Variants in ARFGEF1 observed in about 807,000 individuals in gnomAD.
ARFGEF1 encodes ARF guanine nucleotide exchange factor 1, also known as brefeldin A-inhibited guanine nucleotide-exchange protein 1.
Under a neutral mutation model 231.0 loss-of-function variants are expected in ARFGEF1, and 42 were observed. That is an observed-to-expected ratio of 0.18 (90% confidence interval 0.14 to 0.24). The LOEUF (loss-of-function observed/expected upper bound fraction) is 0.24, where lower values mean the gene tolerates loss of function less well. Ranked by LOEUF, ARFGEF1 falls within the 10% of genes least tolerant of loss-of-function variation. ARFGEF1 has a pLI of 1.00. For synonymous variants in ARFGEF1, 710 were observed against 732.3 expected (o/e 0.97, Z 0.49); for missense variants, 1,345 against 2,192.0 (o/e 0.61, Z 7.72).
At chr8:67,285,054 T>C (rs1805693659) in intron 7 of ARFGEF1, among the ~76,000 whole-genome samples, 1 of 103,924 alleles carries the variant, frequency 9.6e-6, no homozygotes, top group Non-Finnish European at 1.8e-5. Context: ...TTATAACACA[T>C]CAAATAATAA....
At chr8:67,222,225 GTATATGTA>G (rs1233556664) in intron 29 of ARFGEF1, among the ~76,000 whole-genome samples, 1,528 of 64,038 alleles carry the variant, frequency 0.024, 40 homozygotes, top group African/African-American at 0.076. Context: ...ATATATATAT[GTATATGTA>G]TGTATGTATG....
intron 34 of ARFGEF1, among the ~76,000 whole-genome samples, 178 bp downstream of exon 34, chr8:67,211,305 C>T (rs566581517): frequency 5.8e-5 from 8 of 137,938 alleles, no homozygotes; most frequent in African/African-American, 2.3e-4. Context: ...GATGGCGTGC[C>T]ACTGTACTCC....
intron 14 of ARFGEF1, among the ~76,000 whole-genome samples, chr8:67,262,191 T>C (rs1459421282): frequency 6.6e-6 from 1 of 152,128 alleles, no homozygotes; most frequent in Non-Finnish European, 1.5e-5. Context: ...GGGGTAAAAA[T>C]ACCAACATCA....
chr8:67,211,053 A>C (rs1838723272), intron 34 of ARFGEF1, among the ~76,000 whole-genome samples: 2 of 149,016 alleles, frequency 1.3e-5, no homozygotes, highest in African/African-American at 2.5e-5. Context: ...CAAAAAAAAA[A>C]AAAACAAAAG....
chr8:67,257,040 T>C (rs1180309358), intron 17 of ARFGEF1, among the ~76,000 whole-genome samples: 2 of 152,164 alleles, frequency 1.3e-5, no homozygotes, highest in Non-Finnish European at 2.9e-5. Flanking sequence ...ATGGGTACAT[T>C]AGAGTTCATT....
At chr8:67,177,596 G>A in intron 5 of ARFGEF1, 1 of 849,202 alleles carries the variant, frequency 1.2e-6, no homozygotes, top group Non-Finnish European at 1.9e-6. Context: ...TAGAGAGCTA[G>A]TCAAAAAAGA....
chr8:67,244,656 A>G (rs1165305158), intron 19 of ARFGEF1, among the ~76,000 whole-genome samples: 1 of 149,884 alleles, frequency 6.7e-6, no homozygotes, highest in Non-Finnish European at 1.5e-5. Flanking sequence ...AGTAAGCGTG[A>G]AGACAGGCTA....
Position 67,241,490 on chromosome 8 carries a change from A to T in ARFGEF1, c.2851-1200T>A, listed in dbSNP as rs559863526. Among the ~76,000 whole-genome samples the T allele has an allele frequency of 2.6e-5, 4 of 152,344 alleles. No homozygotes were observed. The South Asian group carries it at 6.2e-4, about 24-fold the overall frequency. Reference sequence around the variant, plus strand: ...TAAGGCAGTGAAAAAAAAAATGTTTAACTCCTTTAGGAATCAAAGACAATG... The same window carrying T: ...TAAGGCAGTGAAAAAAAAAATGTTTTACTCCTTTAGGAATCAAAGACAATG... On this transcript the variant is annotated intron_variant, in intron 19 of 38. Coordinates refer to ENST00000262215, the MANE Select transcript of ARFGEF1 (RefSeq NM_006421.5).
intron 1 of ARFGEF1, among the ~76,000 whole-genome samples, chr8:67,333,529 G>A (rs1366809411): frequency 3.3e-5 from 5 of 151,724 alleles, no homozygotes; most frequent in Non-Finnish European, 7.4e-5. Flanking sequence ...ACCCAGGTTG[G>A]TATTGAACTC....
intron 10 of ARFGEF1, 29 bp downstream of exon 10, chr8:67,271,673 G>A (rs753467553): frequency 4.1e-6 from 6 of 1,449,596 alleles, no homozygotes; most frequent in South Asian, 1.2e-5. Flanking sequence ...ATATCCAATA[G>A]TAACATTATG....
intron 1 of ARFGEF1, among the ~76,000 whole-genome samples, chr8:67,311,044 C>T: frequency 6.8e-6 from 1 of 146,368 alleles, no homozygotes; most frequent in Non-Finnish European, 1.5e-5. Flanking sequence ...GCGCCTCTGC[C>T]CGGCCACCCC....
At chr8:67,246,649 A>G (rs1414295914) in intron 19 of ARFGEF1, among the ~76,000 whole-genome samples, 1 of 150,198 alleles carries the variant, frequency 6.7e-6, no homozygotes, top group Non-Finnish European at 1.5e-5. Flanking sequence ...GTCTACATCA[A>G]AAAAGAAGAA....
intron 1 of ARFGEF1, among the ~76,000 whole-genome samples, chr8:67,329,507 C>T (rs912287315): frequency 1.7e-4 from 25 of 148,420 alleles, no homozygotes; most frequent in African/African-American, 6.0e-4. Context: ...CCAGCCTGGG[C>T]GACAGAGTAA....
At chr8:67,288,783 G>A (rs564680833) in intron 6 of ARFGEF1, among the ~76,000 whole-genome samples, 45 of 152,092 alleles carry the variant, frequency 3.0e-4, no homozygotes, top group African/African-American at 9.4e-4. Context: ...CTCATCAATA[G>A]TAAGATCAAC....
At chr8:67,210,661 C>T (rs966189893) in intron 34 of ARFGEF1, among the ~76,000 whole-genome samples, 2 of 152,056 alleles carry the variant, frequency 1.3e-5, no homozygotes, top group African/African-American at 2.4e-5. Flanking sequence ...TGCTCGTTGG[C>T]GGAAAAAGCT....
chr8:67,287,024 T>C (rs1805788395), intron 7 of ARFGEF1, among the ~76,000 whole-genome samples: 1 of 152,170 alleles, frequency 6.6e-6, no homozygotes, highest in Non-Finnish European at 1.5e-5. Context: ...GCTCAAAAAC[T>C]GAAACACTAC....
rs1277422655 is a variant in ARFGEF1, at chr8:67,271,696, A to G, written c.1572+6T>C. ...TAGTAACATTATGCCTAAATGCAAA[A>G]CGTACCTCAATTTGCATCTTCAGAT... On this transcript the variant is annotated splice_donor_region_variant and intron_variant, in intron 10 of 38. Transcript: ENST00000262215. 3.2e-6 allele frequency: 5 copies of G among 1,584,140 alleles called. No individual in the cohort carries two copies. The South Asian group carries it at 5.6e-5, about 18-fold the overall frequency.
downstream of ARFGEF1, among the ~76,000 whole-genome samples, chr8:67,193,182 TCTCAGCTCACTG>T (rs913220662): frequency 1.4e-4 from 22 of 152,292 alleles, no homozygotes; most frequent in Middle Eastern, 6.8e-3. Flanking sequence ...AGTGGCACAA[TCTCAGCTCACTG>T]CAGCCTCCAC....
chr8:67,343,063 G>T, intron 1 of ARFGEF1, 101 bp downstream of exon 1: 1 of 1,359,880 alleles, frequency 7.4e-7, no homozygotes, highest in Non-Finnish European at 9.8e-7. Flanking sequence ...GGTCAGAGGC[G>T]CGGGCCTCGG....
Sources: gnomAD v4.1 joint callset for allele counts (sites outside exome capture counted in the v4.1 genomes callset) on GRCh38, gnomAD v4.1.1 for gene constraint, MANE v1.5 for transcripts, NCBI Gene and HGNC (gene_info 2026-07-23, HGNC 2026-07-21) for gene names.